SLC35B4: variants seen among roughly 807,000 people sequenced by gnomAD.
SLC35B4 encodes the protein nucleotide sugar transporter SLC35B4.
In SLC35B4, 28 loss-of-function variants were observed where a neutral mutation model predicts 39.5. That is an observed-to-expected ratio of 0.71 (90% CI 0.53 to 0.97). SLC35B4 has a LOEUF of 0.97. Among genes scored for constraint, SLC35B4 ranks in the 50% least tolerant of loss-of-function variants. The pLI is 0.00. For missense variants in SLC35B4, 334 were observed against 414.3 expected (o/e 0.81, Z 1.68); for synonymous variants, 145 against 150.4 (o/e 0.96, Z 0.26).
chr7:134,308,715 T>A (rs1803767780), intron 2 of SLC35B4, among the ~76,000 whole-genome samples: 2 of 152,294 alleles, frequency 1.3e-5, no homozygotes, highest in Non-Finnish European at 1.5e-5. Flanking sequence ...TACACTTTTA[T>A]CTCAAGTCAC....
At chr7:134,299,193 A>C in intron 8 of SLC35B4, 1 of 194,596 alleles carries the variant, frequency 5.1e-6, no homozygotes, top group Non-Finnish European at 1.0e-5. Flanking sequence ...ACGGCTGCCC[A>C]ACTTCGCAGG....
intron 3 of SLC35B4, among the ~76,000 whole-genome samples, chr7:134,305,889 G>A (rs533520199): frequency 4.6e-5 from 7 of 152,050 alleles, no homozygotes; most frequent in East Asian, 1.9e-4. Flanking sequence ...GGCTGGTCTC[G>A]AACTCCCAAC....
At chr7:134,306,827 T>C in intron 2 of SLC35B4, 53 bp from the exon 3 acceptor site, 6 of 1,454,440 alleles carry the variant, frequency 4.1e-6, no homozygotes, top group African/African-American at 1.4e-5. Flanking sequence ...TTCAAGAAAA[T>C]CAAGTATAGG....
intron 1 of SLC35B4, among the ~76,000 whole-genome samples, chr7:134,311,719 T>C (rs569420416): frequency 6.6e-6 from 1 of 152,290 alleles, no homozygotes; most frequent in African/African-American, 2.4e-5. Flanking sequence ...CCACTTCTAA[T>C]TTGATTAGTC....
In SLC35B4 at chr7:134,294,126, G is replaced by A. The variant is rs1418076925; in HGVS notation, c.*707C>T. 6.6e-6 allele frequency: 1 copy of A among 152,274 alleles called. No individual in the cohort carries two copies. Among genetic ancestry groups the A allele is most frequent in the Non-Finnish European group, 1.5e-5 (1 of 68,184 alleles). The allele number at this position is 152,274 out of a possible 1,614,324, so 9.4% of individuals were successfully genotyped here. On this transcript the variant is annotated 3_prime_UTR_variant, in exon 10 of 10. Transcript: ENST00000378509. Reference sequence around the variant, plus strand: ...CTTTGTTATGAACACTGTGTCTGCTGTGAGATATGCTGCAGGGCCGCCCTA... The same window carrying A: ...CTTTGTTATGAACACTGTGTCTGCTATGAGATATGCTGCAGGGCCGCCCTA...
At chr7:134,316,601 C>A in intron 1 of SLC35B4, 74 bp downstream of exon 1, 9 of 1,486,342 alleles carry the variant, frequency 6.1e-6, no homozygotes. Context: ...GTGGGCGCGT[C>A]CCGGGGGGAC....
In SLC35B4 at chr7:134,294,658, T is replaced by C. The variant is rs1803415144; in HGVS notation, c.*175A>G. 1 of 677,894 alleles carries C rather than the reference T, an allele frequency of 1.5e-6. No individual in the cohort carries two copies. The allele number at this position is 677,894 out of a possible 1,614,324, so 42.0% of individuals were successfully genotyped here. ...CTATTTTAGGGCTGAGGGGTTTCTATTTAGTCTACATGTGTCAGTCTGAGC... is the reference window on the plus strand; with the variant it reads ...CTATTTTAGGGCTGAGGGGTTTCTACTTAGTCTACATGTGTCAGTCTGAGC... On this transcript the variant is annotated 3_prime_UTR_variant, in exon 10 of 10. Coordinates refer to ENST00000378509, the MANE Select transcript of SLC35B4 (RefSeq NM_032826.5).
upstream of SLC35B4, among the ~76,000 whole-genome samples, chr7:134,317,613 G>T (rs919019510): frequency 6.6e-6 from 1 of 152,176 alleles, no homozygotes; most frequent in Non-Finnish European, 1.5e-5. Context: ...AACTGCCAAC[G>T]TCCAGGCTCT....
At chr7:134,307,565 T>G (rs1373681244) in intron 2 of SLC35B4, among the ~76,000 whole-genome samples, 2 of 152,224 alleles carry the variant, frequency 1.3e-5, no homozygotes, top group Non-Finnish European at 2.9e-5. Flanking sequence ...CTCAACTTCC[T>G]ATATTGAGTA....
At chr7:134,304,769 A>C in intron 4 of SLC35B4, 36 bp downstream of exon 4, 3 of 1,517,566 alleles carry the variant, frequency 2.0e-6, no homozygotes, top group Non-Finnish European at 2.7e-6. Context: ...TCAGGGTATC[A>C]TTTCCATACA....
Position 134,299,782 on chromosome 7 carries a change from C to T in SLC35B4, c.598-184G>A, listed in dbSNP as rs570906674. On this transcript the variant is annotated intron_variant, in intron 7 of 9. Coordinates refer to ENST00000378509, the MANE Select transcript of SLC35B4 (RefSeq NM_032826.5). ...TTCACCTTGTATGGCAGGATATTAACCCCCAAATTATGGTTCTTGCCCTTA... is the reference window on the plus strand; with the variant it reads ...TTCACCTTGTATGGCAGGATATTAATCCCCAAATTATGGTTCTTGCCCTTA... 2.0e-5 allele frequency among the ~76,000 whole-genome samples: 3 copies of T among 152,272 alleles called. No homozygotes were observed. In the South Asian group the frequency reaches 6.2e-4, roughly 32 times the overall value.
At chr7:134,316,599 G>A in intron 1 of SLC35B4, 76 bp downstream of exon 1, 2 of 1,471,754 alleles carry the variant, frequency 1.4e-6, no homozygotes, top group South Asian at 1.2e-5. Flanking sequence ...GCGTGGGCGC[G>A]TCCCGGGGGG....
At chr7:134,299,382 G>A in intron 8 of SLC35B4, 141 bp downstream of exon 8, 2 of 511,498 alleles carry the variant, frequency 3.9e-6, no homozygotes, top group Non-Finnish European at 6.7e-6. Context: ...TGCAATGACT[G>A]GAAAGTGGAA....
chr7:134,300,211 A>C lies in SLC35B4; in HGVS notation c.538T>G (p.Phe180Val). 1.2e-6 allele frequency: 2 copies of C among 1,613,320 alleles called. No homozygotes were observed. The highest frequency in any genetic ancestry group is 1.1e-5 in the South Asian group (1 of 90,906). The change falls in exon 7 of 10, where the codon TTC (phenylalanine) becomes GTC (valine). Residue 180 changes from phenylalanine to valine, a missense_variant. Transcript: ENST00000378509. Reference protein sequence around the residue: ...ALLMSARMGIFQETLYKRFGK... With the variant: ...ALLMSARMGIVQETLYKRFGK... ...AATCGTTTGTAGAGAGTCTCTTGGA[A>C]TATCCCCATCCTTGCTGACATCAGA...
chr7:134,317,038 C>T (rs1462361083), upstream of SLC35B4: 2 of 400,880 alleles, frequency 5.0e-6, no homozygotes, highest in Non-Finnish European at 9.0e-6. Flanking sequence ...CAGGATGCGA[C>T]GTTCCCGCTT....
chr7:134,300,115 G>C, intron 7 of SLC35B4, 37 bp downstream of exon 7: 1 of 1,402,710 alleles, frequency 7.1e-7, no homozygotes, highest in Non-Finnish European at 1.0e-6. Flanking sequence ...TTACAACTTA[G>C]GAATTTTCAC....
At chr7:134,299,280 C>T in intron 8 of SLC35B4, 1 of 419,914 alleles carries the variant, frequency 2.4e-6, no homozygotes, top group East Asian at 4.1e-5. Context: ...CAAATGCAAA[C>T]ACACAAATTC....
chr7:134,296,512 T>G (rs751288660), intron 8 of SLC35B4, 46 bp from the exon 9 acceptor site: 82 of 1,448,174 alleles, frequency 5.7e-5, no homozygotes, highest in Non-Finnish European at 7.6e-5. Flanking sequence ...TTTTCACAGC[T>G]GAATTTTTCA....
At chr7:134,306,583 A>C in intron 3 of SLC35B4, 89 bp downstream of exon 3, 1 of 1,094,962 alleles carries the variant, frequency 9.1e-7, no homozygotes, top group Admixed American at 2.4e-5. Flanking sequence ...CACTTACTAC[A>C]AGAACCTTCT....
Sources: allele counts gnomAD v4.1 joint callset (sites outside exome capture counted in the v4.1 genomes callset), GRCh38; gene constraint gnomAD v4.1.1; transcripts MANE v1.5; gene names NCBI Gene and HGNC (gene_info 2026-07-23, HGNC 2026-07-21).